The following MYO1D variants were observed in gnomAD, a reference collection of about 807,000 sequenced individuals.
MYO1D encodes the protein unconventional myosin-Id.
In MYO1D, 83 loss-of-function variants were observed where a neutral mutation model predicts 122.0. The ratio of observed to expected loss-of-function variants is 0.68; its 90% confidence interval spans 0.57 to 0.82. MYO1D has a LOEUF of 0.82. Among genes scored for constraint, MYO1D ranks in the 40% least tolerant of loss-of-function variants. The pLI is 0.00. For synonymous variants in MYO1D, 464 were observed against 446.9 expected (o/e 1.04, Z -0.48); for missense variants, 1,157 against 1,269.5 (o/e 0.91, Z 1.35).
At chr17:32,773,989 A>G (rs979702874) in intron 4 of MYO1D, among the ~76,000 whole-genome samples, 44 of 150,228 alleles carry the variant, frequency 2.9e-4, no homozygotes, top group African/African-American at 1.1e-3. Flanking sequence ...TTTCTACAGG[A>G]CCTCTCCCCT....
intron 21 of MYO1D, among the ~76,000 whole-genome samples, chr17:32,538,450 A>AATT (rs201527629): frequency 1.3e-4 from 19 of 147,366 alleles, no homozygotes; most frequent in African/African-American, 1.0e-4. Context: ...GCACCTGGAT[A>AATT]ATTATTATTA....
chr17:32,597,900 C>T lies in MYO1D; in HGVS notation c.2864+7187G>A, dbSNP rs112565762. 4.2e-3 allele frequency among the ~76,000 whole-genome samples: 624 copies of T among 148,112 alleles called. 7 individuals are homozygous for T. The highest frequency in any genetic ancestry group is 0.015 in the African/African-American group (589 of 40,394). On this transcript the variant is annotated intron_variant, in intron 21 of 21. Coordinates refer to ENST00000318217, the MANE Select transcript of MYO1D (RefSeq NM_015194.3). ...AAAAAAAAAAAAAAAAAAGAAATCT[C>T]GTTTCAACTTCTTTACACAAATGGT...
intron 14 of MYO1D, among the ~76,000 whole-genome samples, chr17:32,731,158 C>T (rs538187628): frequency 6.6e-6 from 1 of 152,154 alleles, no homozygotes; most frequent in South Asian, 2.1e-4. Flanking sequence ...CTGCTCGCCT[C>T]GGCCTCCCAA....
intron 10 of MYO1D, chr17:32,756,070 C>T (rs2089944593): frequency 9.6e-6 from 2 of 208,256 alleles, no homozygotes; most frequent in East Asian, 1.5e-4. Context: ...TGATATACTA[C>T]TTCATAATAA....
intron 14 of MYO1D, among the ~76,000 whole-genome samples, chr17:32,736,284 A>G (rs1441335846): frequency 2.0e-5 from 3 of 152,092 alleles, no homozygotes; most frequent in Non-Finnish European, 4.4e-5. Flanking sequence ...CAGAATTCTT[A>G]TTGCTAGCTG....
chr17:32,612,785 T>A (rs2087719774), intron 20 of MYO1D, among the ~76,000 whole-genome samples: 2 of 152,006 alleles, frequency 1.3e-5, no homozygotes, highest in Non-Finnish European at 2.9e-5. Context: ...TATTTTTTTT[T>A]AAAGATGTGG....
intron 21 of MYO1D, among the ~76,000 whole-genome samples, chr17:32,543,868 C>T (rs2150880154): frequency 6.6e-6 from 1 of 152,248 alleles, no homozygotes; most frequent in South Asian, 2.1e-4. Context: ...TCTCTGCTCA[C>T]TGCAACCTCC....
At chr17:32,752,660 T>G (rs2089909345) in intron 11 of MYO1D, among the ~76,000 whole-genome samples, 1 of 152,050 alleles carries the variant, frequency 6.6e-6, no homozygotes, top group Admixed American at 6.5e-5. Context: ...CCAACAAACA[T>G]TTGAAAAAAT....
At chr17:32,786,081 G>A (rs1043247132) in intron 1 of MYO1D, among the ~76,000 whole-genome samples, 9 of 152,092 alleles carry the variant, frequency 5.9e-5, no homozygotes, top group Admixed American at 1.3e-4. Flanking sequence ...CCAAATCTCC[G>A]GCACTGGAGT....
chr17:32,804,534 TC>T (rs2090492603), intron 1 of MYO1D, among the ~76,000 whole-genome samples: 1 of 152,220 alleles, frequency 6.6e-6, no homozygotes, highest in South Asian at 2.1e-4. Context: ...GTGATCTTTC[TC>T]CCTCCACTGG....
intron 21 of MYO1D, among the ~76,000 whole-genome samples, chr17:32,537,771 T>C (rs1399936716): frequency 6.6e-6 from 1 of 152,232 alleles, no homozygotes; most frequent in Non-Finnish European, 1.5e-5. Flanking sequence ...TACAAAATCA[T>C]AGTAATATAA....
rs773397415 is a variant in MYO1D at position 32,653,912 on chromosome 17, G to A, written c.2526C>T (p.Val842=). The A allele has an allele frequency of 6.2e-7, 1 of 1,613,950 alleles. No homozygotes were observed. The highest frequency in any genetic ancestry group is 1.1e-5 in the South Asian group (1 of 91,042). ...TCCGTTTCAATTCATTAGCAACAGG[G>A]ACAAAAGTGCCTGAGGTCTGAGGTG... is the stretch of plus-strand genomic sequence containing the variant. ...PDTPQTSGTF[V]PVANELKRKD... Residue 842 remains valine (V), a synonymous_variant, in exon 19 of 22, where the codon GTC becomes GTT. Coordinates refer to ENST00000318217, the MANE Select transcript of MYO1D (RefSeq NM_015194.3).
intron 1 of MYO1D, among the ~76,000 whole-genome samples, chr17:32,874,814 C>T (rs1182745611): frequency 6.6e-6 from 1 of 152,012 alleles, no homozygotes; most frequent in African/African-American, 2.4e-5. Flanking sequence ...CTTCTGTACA[C>T]ATAGGAGTTG....
chr17:32,641,319 T>C (rs1267178873), intron 19 of MYO1D, among the ~76,000 whole-genome samples: 2 of 151,992 alleles, frequency 1.3e-5, no homozygotes, highest in African/African-American at 2.4e-5. Flanking sequence ...CCACATTTTC[T>C]TAATCCAGTC....
At chr17:32,648,754 G>C (rs2088337969) in intron 19 of MYO1D, among the ~76,000 whole-genome samples, 2 of 152,210 alleles carry the variant, frequency 1.3e-5, no homozygotes, top group Admixed American at 1.3e-4. Flanking sequence ...TTTAATTGCG[G>C]TGTGTTTAGA....
chr17:32,859,394 C>T (rs889388163), intron 1 of MYO1D, among the ~76,000 whole-genome samples: 2 of 152,144 alleles, frequency 1.3e-5, no homozygotes, highest in Non-Finnish European at 2.9e-5. Context: ...GCTCTTTTTC[C>T]ATACTCAGGT....
chr17:32,531,242 C>CA (rs1910499536), intron 21 of MYO1D: 2 of 152,196 alleles, frequency 1.3e-5, no homozygotes, highest in East Asian at 3.8e-4. Flanking sequence ...GCTAAGCTGA[C>CA]ATAATGGAAG....
intron 20 of MYO1D, among the ~76,000 whole-genome samples, chr17:32,608,128 T>A (rs946483451): frequency 6.6e-6 from 1 of 152,018 alleles, no homozygotes; most frequent in Non-Finnish European, 1.5e-5. Context: ...AGCAAAAAAA[T>A]TGATAAATTG....
chr17:32,814,807 A>C (rs949991052), intron 1 of MYO1D, among the ~76,000 whole-genome samples: 1 of 152,226 alleles, frequency 6.6e-6, no homozygotes, highest in Admixed American at 6.5e-5. Flanking sequence ...CCCATACATT[A>C]GTCCAATACA....
Sources: gnomAD v4.1 joint callset for allele counts (sites outside exome capture counted in the v4.1 genomes callset) on GRCh38, gnomAD v4.1.1 for gene constraint, MANE v1.5 for transcripts, NCBI Gene and HGNC (gene_info 2026-07-23, HGNC 2026-07-21) for gene names.